Variants in SPON1 observed in about 807,000 individuals in gnomAD.
SPON1 encodes spondin-1.
SPON1 carries 52 observed loss-of-function variants against 111.7 expected under a neutral mutation model. The observed-to-expected ratio is 0.47, with a 90% CI of 0.37 to 0.59. The LOEUF (loss-of-function observed/expected upper bound fraction) is 0.59. SPON1 is among the 20% of genes least tolerant of loss of function. The pLI, the probability that SPON1 is intolerant of heterozygous loss-of-function variation, is 0.00. For missense variants in SPON1, 957 were observed against 1,068.5 expected (o/e 0.90, Z 1.46); for synonymous variants, 410 against 395.8 (o/e 1.04, Z -0.43).
At chr11:14,258,981 T>G (rs1849140788) in intron 11 of SPON1, among the ~76,000 whole-genome samples, 1 of 152,144 alleles carries the variant, frequency 6.6e-6, no homozygotes, top group African/African-American at 2.4e-5. Flanking sequence ...GTAGATTAAA[T>G]TATATCTTAT....
chr11:14,076,264 A>G (rs1024825412), intron 4 of SPON1, among the ~76,000 whole-genome samples: 1 of 152,192 alleles, frequency 6.6e-6, no homozygotes, highest in Non-Finnish European at 1.5e-5. Flanking sequence ...CAGCATAACA[A>G]TCTCATTTCT....
chr11:14,005,671 AT>A (rs1848353556), intron 2 of SPON1, among the ~76,000 whole-genome samples: 1 of 152,242 alleles, frequency 6.6e-6, no homozygotes, highest in Non-Finnish European at 1.5e-5. Context: ...AATAATAAAG[AT>A]GTCAAAGCTG....
chr11:14,159,053 C>T (rs1847881613), intron 6 of SPON1, among the ~76,000 whole-genome samples: 1 of 151,950 alleles, frequency 6.6e-6, no homozygotes, highest in Admixed American at 6.6e-5. Context: ...TGACTTCCTT[C>T]AATGTGAGTG....
At position 14,049,715 on chromosome 11, in the gene SPON1, A is replaced by G. The variant is rs184165105; in HGVS notation, c.479+8061A>G. 3.2e-4 allele frequency among the ~76,000 whole-genome samples: 49 copies of G among 152,298 alleles called. 1 individual carries two copies. The East Asian group carries it at 7.3e-3, about 23-fold the overall frequency. Reference sequence around the variant, plus strand: ...ATACAAATTGGGTCCACAGCCCTTCATCCACAAACTGAAATCCAGAAAGCT... The same window carrying G: ...ATACAAATTGGGTCCACAGCCCTTCGTCCACAAACTGAAATCCAGAAAGCT... On this transcript the variant is annotated intron_variant, in intron 3 of 15. Transcript: ENST00000576479.
At chr11:14,083,819 T>C (rs1030503669) in intron 5 of SPON1, among the ~76,000 whole-genome samples, 1 of 152,250 alleles carries the variant, frequency 6.6e-6, no homozygotes, top group Non-Finnish European at 1.5e-5. Flanking sequence ...TCAGTTGTTT[T>C]CCTTGAAGTG....
At chr11:14,204,394 A>G (rs1470108070) in intron 6 of SPON1, among the ~76,000 whole-genome samples, 2 of 151,484 alleles carry the variant, frequency 1.3e-5, no homozygotes, top group African/African-American at 4.9e-5. Context: ...TGATCCTCCT[A>G]CCTCAGCCTC....
intron 5 of SPON1, among the ~76,000 whole-genome samples, chr11:14,098,026 C>T (rs1354219159): frequency 6.6e-6 from 1 of 152,258 alleles, no homozygotes; most frequent in African/African-American, 2.4e-5. Context: ...GACGGAGTCT[C>T]GCTCTGTCGC....
chr11:14,017,744 AC>A (rs1392898606), intron 2 of SPON1, among the ~76,000 whole-genome samples: 5 of 152,198 alleles, frequency 3.3e-5, no homozygotes, highest in Non-Finnish European at 7.3e-5. Flanking sequence ...TGAATAGAAG[AC>A]CTTCACCAAA....
chr11:14,033,111 C>T (rs1239853028), intron 2 of SPON1, among the ~76,000 whole-genome samples: 8 of 152,230 alleles, frequency 5.3e-5, no homozygotes, highest in African/African-American at 1.9e-4. Context: ...ACTAGCCTCT[C>T]CTGCTCACTC....
chr11:14,182,788 C>A (rs548619162), intron 6 of SPON1, among the ~76,000 whole-genome samples: 1 of 152,146 alleles, frequency 6.6e-6, no homozygotes, highest in African/African-American at 2.4e-5. Flanking sequence ...CACACTCCAG[C>A]GCTCACTGAA....
At chr11:14,077,269 C>T (rs1848925124) in intron 4 of SPON1, among the ~76,000 whole-genome samples, 1 of 152,144 alleles carries the variant, frequency 6.6e-6, no homozygotes, top group Non-Finnish European at 1.5e-5. Context: ...AACCACACCA[C>T]AGTGCCTGGG....
At chr11:14,045,366 C>T (rs570047843) in intron 3 of SPON1, among the ~76,000 whole-genome samples, 10 of 151,974 alleles carry the variant, frequency 6.6e-5, no homozygotes, top group African/African-American at 1.9e-4. Context: ...CGCCTGAGGT[C>T]GGGAGTTCGA....
chr11:14,013,449 G>A (rs1178296069), intron 2 of SPON1, among the ~76,000 whole-genome samples: 2 of 152,090 alleles, frequency 1.3e-5, no homozygotes, highest in Non-Finnish European at 2.9e-5. Context: ...AATAAACTTG[G>A]CCATTCTGTT....
chr11:14,132,005 G>A (rs113519070), intron 5 of SPON1, among the ~76,000 whole-genome samples: 3,785 of 152,312 alleles, frequency 0.025, 157 homozygotes, highest in African/African-American at 0.086. Flanking sequence ...TAGGTCGGGC[G>A]CAGTGGCTCA....
At chr11:13,974,281 C>T (rs1246698505) in intron 1 of SPON1, among the ~76,000 whole-genome samples, 1 of 152,158 alleles carries the variant, frequency 6.6e-6, no homozygotes, top group Non-Finnish European at 1.5e-5. Context: ...AGGTGTGTAG[C>T]AAGACTGGGG....
At chr11:14,208,978 T>C (rs1554936435) in intron 6 of SPON1, among the ~76,000 whole-genome samples, 1 of 152,254 alleles carries the variant, frequency 6.6e-6, no homozygotes, top group Non-Finnish European at 1.5e-5. Flanking sequence ...GCCTCATAAG[T>C]GTTAAAATTG....
intron 3 of SPON1, among the ~76,000 whole-genome samples, chr11:14,060,177 A>G (rs1450849516): frequency 1.3e-5 from 2 of 152,236 alleles, no homozygotes; most frequent in African/African-American, 2.4e-5. Context: ...TGTGATTTGA[A>G]TTGGATCACA....
intron 1 of SPON1, among the ~76,000 whole-genome samples, chr11:13,967,717 T>G (rs1228246653): frequency 6.6e-6 from 1 of 152,174 alleles, no homozygotes; most frequent in Non-Finnish European, 1.5e-5. Flanking sequence ...TTTAAAAACT[T>G]AAGTGCTGCT....
At chr11:14,174,763 G>A (rs1035818110) in intron 6 of SPON1, among the ~76,000 whole-genome samples, 4 of 152,012 alleles carry the variant, frequency 2.6e-5, no homozygotes, top group African/African-American at 4.8e-5. Context: ...AAACATAAAG[G>A]CCTTTTAAAT....
Sources: allele counts gnomAD v4.1 joint callset (sites outside exome capture counted in the v4.1 genomes callset), GRCh38; gene constraint gnomAD v4.1.1; transcripts MANE v1.5; gene names NCBI Gene and HGNC (gene_info 2026-07-23, HGNC 2026-07-21).